The following MTMR2 variants were observed in gnomAD, a reference collection of about 807,000 sequenced individuals.
MTMR2 encodes myotubularin related protein 2.
Under a neutral mutation model 86.9 loss-of-function variants are expected in MTMR2, and 55 were observed. The ratio of observed to expected loss-of-function variants is 0.63; its 90% confidence interval spans 0.51 to 0.79. MTMR2 has a LOEUF of 0.79. Ranked by LOEUF, MTMR2 falls within the 30% of genes least tolerant of loss-of-function variation. The pLI, the probability that MTMR2 is intolerant of heterozygous loss-of-function variation, is 0.00. For synonymous variants in MTMR2, 241 were observed against 266.8 expected (o/e 0.90, Z 0.94); for missense variants, 659 against 772.3 (o/e 0.85, Z 1.74).
chr11:95,880,293 T>C (rs1397526861), intron 2 of MTMR2, among the ~76,000 whole-genome samples: 2 of 152,104 alleles, frequency 1.3e-5, no homozygotes, highest in East Asian at 3.9e-4. Context: ...CTATAATCAA[T>C]ATATAGTATG....
intron 1 of MTMR2, among the ~76,000 whole-genome samples, chr11:95,899,451 G>GTTCA (rs1395259725): frequency 3.9e-5 from 6 of 152,022 alleles, no homozygotes; most frequent in South Asian, 2.1e-4. Context: ...TCATATATTT[G>GTTCA]TTCATTCATT....
At chr11:95,862,199 A>G in intron 4 of MTMR2, 73 bp downstream of exon 4, 2 of 1,532,742 alleles carry the variant, frequency 1.3e-6, no homozygotes, top group Non-Finnish European at 1.8e-6. Context: ...TTAATTAGAA[A>G]TGATCAGAAA....
intron 7 of MTMR2, among the ~76,000 whole-genome samples, chr11:95,855,826 T>C (rs1482956498): frequency 6.6e-6 from 1 of 152,168 alleles, no homozygotes; most frequent in African/African-American, 2.4e-5. Context: ...CACTGTGCCA[T>C]AAATGATTCA....
chr11:95,838,386 T>G (rs546753588), intron 12 of MTMR2, among the ~76,000 whole-genome samples, 179 bp from the exon 13 acceptor site: 24 of 152,168 alleles, frequency 1.6e-4, no homozygotes, highest in African/African-American at 5.8e-4. Context: ...ATGTTATCAC[T>G]TTTCTGATCA....
At chr11:95,866,656 G>A (rs897267832) in intron 2 of MTMR2, among the ~76,000 whole-genome samples, 18 of 148,540 alleles carry the variant, frequency 1.2e-4, no homozygotes, top group South Asian at 4.4e-4. Context: ...CAGAAAAGTC[G>A]TCTTTAAAGG....
chr11:95,871,300 G>A (rs867570824), intron 2 of MTMR2, among the ~76,000 whole-genome samples: 3 of 152,170 alleles, frequency 2.0e-5, no homozygotes, highest in Non-Finnish European at 4.4e-5. Flanking sequence ...CTAGATCCCT[G>A]AGGAATCGCC....
intron 2 of MTMR2, among the ~76,000 whole-genome samples, chr11:95,884,018 G>A (rs565702290): frequency 1.1e-4 from 16 of 152,342 alleles, no homozygotes; most frequent in Admixed American, 9.8e-4. Flanking sequence ...GAGGCTATGT[G>A]AAGAACTGGA....
At chr11:95,845,682 T>C (rs577088323) in intron 10 of MTMR2, among the ~76,000 whole-genome samples, 1 of 145,166 alleles carries the variant, frequency 6.9e-6, no homozygotes, top group South Asian at 2.1e-4. Flanking sequence ...GTATAAACTT[T>C]AGAGTGAGCT....
intron 8 of MTMR2, 113 bp from the exon 9 acceptor site, chr11:95,849,975 A>T (rs1480229651): frequency 1.4e-5 from 14 of 997,772 alleles, no homozygotes; most frequent in Non-Finnish European, 1.8e-5. Flanking sequence ...CCTGGCCATG[A>T]AAGGACATCT....
At chr11:95,837,460 G>T (rs1399902026) in intron 13 of MTMR2, among the ~76,000 whole-genome samples, 4 of 151,966 alleles carry the variant, frequency 2.6e-5, no homozygotes, top group Non-Finnish European at 5.9e-5. Flanking sequence ...CAATCAAGAT[G>T]ATTAAGATGT....
chr11:95,911,619 C>G (rs1866508440), intron 1 of MTMR2, among the ~76,000 whole-genome samples: 1 of 152,090 alleles, frequency 6.6e-6, no homozygotes, highest in African/African-American at 2.4e-5. Flanking sequence ...TGAAAACACA[C>G]AGATTCATAA....
intron 1 of MTMR2, among the ~76,000 whole-genome samples, chr11:95,905,210 T>C (rs1866211340): frequency 6.6e-6 from 1 of 152,050 alleles, no homozygotes; most frequent in Admixed American, 6.6e-5. Context: ...CACTCTGCCC[T>C]TGAACTTATC....
At chr11:95,849,201 T>G (rs1863919007) in intron 9 of MTMR2, among the ~76,000 whole-genome samples, 1 of 152,138 alleles carries the variant, frequency 6.6e-6, no homozygotes, top group Non-Finnish European at 1.5e-5. Flanking sequence ...CAGCTACAGC[T>G]AACTGCCAAT....
chr11:95,906,908 C>T (rs746397105), intron 1 of MTMR2, among the ~76,000 whole-genome samples: 2 of 151,956 alleles, frequency 1.3e-5, no homozygotes, highest in Non-Finnish European at 2.9e-5. Flanking sequence ...ATCCCCATAT[C>T]GAAAAATGAG....
chr11:95,886,525 T>C (rs1865516905), intron 2 of MTMR2, among the ~76,000 whole-genome samples: 2 of 152,166 alleles, frequency 1.3e-5, no homozygotes, highest in Non-Finnish European at 2.9e-5. Context: ...CCTTCATCTA[T>C]CCATTTTCAG....
At chr11:95,897,346 TAA>T (rs1212683639) in intron 1 of MTMR2, among the ~76,000 whole-genome samples, 1 of 152,156 alleles carries the variant, frequency 6.6e-6, no homozygotes. Context: ...GCATGTGTGC[TAA>T]AATAGCTTCA....
chr11:95,909,291 T>A (rs1291751779), intron 1 of MTMR2, among the ~76,000 whole-genome samples: 1 of 152,184 alleles, frequency 6.6e-6, no homozygotes, highest in African/African-American at 2.4e-5. Flanking sequence ...ACTCTTCACT[T>A]ATTTTTTTGC....
intron 10 of MTMR2, 60 bp downstream of exon 10, chr11:95,847,652 AAG>A: frequency 6.9e-7 from 1 of 1,443,534 alleles, no homozygotes; most frequent in Non-Finnish European, 9.8e-7. Context: ...TATAAGTAAA[AAG>A]CTAATATAAA....
intron 3 of MTMR2, among the ~76,000 whole-genome samples, chr11:95,865,076 G>C (rs113382701): frequency 6.4e-4 from 97 of 152,196 alleles, no homozygotes; most frequent in African/African-American, 2.3e-3. Flanking sequence ...ATAAGTATTA[G>C]GCTGGGCAGA....
Sources: gnomAD v4.1 joint callset for allele counts (sites outside exome capture counted in the v4.1 genomes callset) on GRCh38, gnomAD v4.1.1 for gene constraint, MANE v1.5 for transcripts, NCBI Gene and HGNC (gene_info 2026-07-23, HGNC 2026-07-21) for gene names.